Variants in LDLRAD3 observed in about 807,000 individuals in gnomAD.
The protein encoded by LDLRAD3 is low density lipoprotein receptor class A domain containing 3.
Under a neutral mutation model 29.4 loss-of-function variants are expected in LDLRAD3, and 20 were observed. The ratio of observed to expected loss-of-function variants is 0.68; its 90% CI spans 0.48 to 0.99. The LOEUF (loss-of-function observed/expected upper bound fraction) is 0.99, where lower values mean the gene tolerates loss of function less well. LDLRAD3 is among the 50% of genes least tolerant of loss of function. The pLI, the probability that LDLRAD3 is intolerant of heterozygous loss-of-function variation, is 0.00. For synonymous variants in LDLRAD3, 157 were observed against 192.7 expected, an observed-to-expected ratio of 0.81 and a Z score of 1.53; for missense variants, 420 against 454.3, an observed-to-expected ratio of 0.92 and a Z score of 0.69.
chr11:35,994,862 G>A (rs1396662666), intron 1 of LDLRAD3, among the ~76,000 whole-genome samples: 2 of 152,232 alleles, frequency 1.3e-5, no homozygotes, highest in African/African-American at 4.8e-5. Context: ...TCTGTAAGAA[G>A]CAGCTCCTCA....
intron 4 of LDLRAD3, among the ~76,000 whole-genome samples, chr11:36,187,538 C>T (rs949210179): frequency 1.3e-5 from 2 of 152,198 alleles, no homozygotes; most frequent in Admixed American, 6.5e-5. Context: ...ATATTAACCA[C>T]TCTTTTTTCC....
rs114104216 is a variant in LDLRAD3 at position 35,976,513 on chromosome 11, T to A, written c.46+32369T>A. On this transcript the variant is annotated intron_variant, in intron 1 of 5. Transcript: ENST00000315571. ...AGGCCCAGGGGCAATGGATGAGGGATGCTTTCTGGAAACACAGACATAGAC... is the reference window on the plus strand; with the variant it reads ...AGGCCCAGGGGCAATGGATGAGGGAAGCTTTCTGGAAACACAGACATAGAC... Among the ~76,000 whole-genome samples, 452 of 152,246 alleles carry A rather than the reference T, an allele frequency of 3.0e-3. 1 individual carries two copies. The highest frequency in any genetic ancestry group is 0.011 in the African/African-American group (439 of 41,556).
intron 4 of LDLRAD3, among the ~76,000 whole-genome samples, chr11:36,204,146 G>C (rs1395899639): frequency 6.6e-6 from 1 of 152,180 alleles, no homozygotes; most frequent in Non-Finnish European, 1.5e-5. Flanking sequence ...GTATTTATGG[G>C]CAAACTTGGT....
chr11:36,071,243 A>G (rs759163386), intron 2 of LDLRAD3, among the ~76,000 whole-genome samples: 14 of 152,216 alleles, frequency 9.2e-5, no homozygotes, highest in African/African-American at 3.4e-4. Context: ...GTCATTGCCA[A>G]CTTGAGAGAA....
chr11:36,165,980 TC>T (rs1854509854), intron 4 of LDLRAD3, among the ~76,000 whole-genome samples: 1 of 73,970 alleles, frequency 1.4e-5, no homozygotes, highest in African/African-American at 6.5e-5. Flanking sequence ...CTCCCTCCCT[TC>T]CTTCCTTCCT....
intron 2 of LDLRAD3, among the ~76,000 whole-genome samples, chr11:36,048,835 A>G (rs1852489715): frequency 6.6e-6 from 1 of 152,146 alleles, no homozygotes; most frequent in African/African-American, 2.4e-5. Context: ...TTAAATGCCA[A>G]TATTGTCACC....
intron 4 of LDLRAD3, among the ~76,000 whole-genome samples, chr11:36,121,376 G>A (rs538200058): frequency 3.3e-5 from 5 of 152,068 alleles, no homozygotes; most frequent in East Asian, 3.9e-4. Context: ...GTGCAGCCTC[G>A]AGGCTGGAAT....
chr11:36,109,755 TA>T (rs35549744), intron 4 of LDLRAD3, among the ~76,000 whole-genome samples: 50 of 151,312 alleles, frequency 3.3e-4, no homozygotes, highest in Middle Eastern at 6.8e-3. Flanking sequence ...GCTTTATATT[TA>T]AAAAAAAATA....
intron 4 of LDLRAD3, among the ~76,000 whole-genome samples, chr11:36,184,320 G>T (rs1854813884): frequency 6.6e-6 from 1 of 151,972 alleles, no homozygotes; most frequent in African/African-American, 2.4e-5. Flanking sequence ...TTCAAGCTTT[G>T]CTTTTATTTC....
chr11:36,018,249 A>G (rs1262378356), intron 1 of LDLRAD3, among the ~76,000 whole-genome samples: 1 of 152,196 alleles, frequency 6.6e-6, no homozygotes, highest in Non-Finnish European at 1.5e-5. Flanking sequence ...CCCAAGCTTC[A>G]TCATAAATTT....
intron 2 of LDLRAD3, among the ~76,000 whole-genome samples, chr11:36,077,298 C>A (rs983103817): frequency 6.6e-6 from 1 of 152,164 alleles, no homozygotes; most frequent in African/African-American, 2.4e-5. Flanking sequence ...TTTTCTTATA[C>A]CCCTTCTCTT....
At chr11:36,001,792 T>TGTGC (rs1851828922) in intron 1 of LDLRAD3, among the ~76,000 whole-genome samples, 1 of 144,828 alleles carries the variant, frequency 6.9e-6, no homozygotes, top group Non-Finnish European at 1.5e-5. Flanking sequence ...TGTGTGTGTG[T>TGTGC]GCACATAATT....
At chr11:36,082,801 C>T (rs964557877) in intron 3 of LDLRAD3, among the ~76,000 whole-genome samples, 1 of 152,208 alleles carries the variant, frequency 6.6e-6, no homozygotes, top group Non-Finnish European at 1.5e-5. Context: ...ACTTTGCGTA[C>T]AGCAGCCTCA....
At chr11:36,139,653 C>T (rs554185050) in intron 4 of LDLRAD3, among the ~76,000 whole-genome samples, 1 of 152,292 alleles carries the variant, frequency 6.6e-6, no homozygotes, top group East Asian at 1.9e-4. Context: ...GCTGATGAGT[C>T]CAAACCTGTG....
intron 1 of LDLRAD3, among the ~76,000 whole-genome samples, chr11:35,998,699 G>T (rs115350975): frequency 0.017 from 2,636 of 152,302 alleles, 79 homozygotes; most frequent in African/African-American, 0.058. Context: ...TGGTCTGATG[G>T]CTCCAGGAAT....
At chr11:36,018,355 C>T (rs775077688) in intron 1 of LDLRAD3, among the ~76,000 whole-genome samples, 1 of 152,096 alleles carries the variant, frequency 6.6e-6, no homozygotes, top group African/African-American at 2.4e-5. Flanking sequence ...TCCTCAAGCT[C>T]GATCCTGTTC....
rs1855579444 is a variant in LDLRAD3 at position 36,231,758 on chromosome 11, G to A, written c.*2361G>A. ...GGCAGGGTTTTTTTGGGGGGGAGGG[G>A]GTTTGTTTTCCAACTCAAGATGGCA... On this transcript the variant is annotated 3_prime_UTR_variant, in exon 6 of 6. Transcript: ENST00000315571. 6.6e-6 allele frequency: 1 copy of A among 151,848 alleles called. No individual in the cohort carries two copies. The allele number at this position is 151,848 out of a possible 1,614,324, so 9.4% of individuals were successfully genotyped here.
intron 1 of LDLRAD3, among the ~76,000 whole-genome samples, chr11:35,988,149 G>C (rs575575591): frequency 6.6e-6 from 1 of 151,656 alleles, no homozygotes; most frequent in South Asian, 2.1e-4. Context: ...TCTCAATCTC[G>C]TCGGGTCAAG....
intron 4 of LDLRAD3, among the ~76,000 whole-genome samples, chr11:36,174,555 TA>T (rs1270282004): frequency 1.3e-5 from 2 of 151,942 alleles, no homozygotes; most frequent in African/African-American, 4.8e-5. Flanking sequence ...GTGGGCAAAG[TA>T]TATAAACAGA....
Sources: allele counts gnomAD v4.1 joint callset (sites outside exome capture counted in the v4.1 genomes callset), GRCh38; gene constraint gnomAD v4.1.1; transcripts MANE v1.5; gene names NCBI Gene and HGNC (gene_info 2026-07-23, HGNC 2026-07-21).